Variants in DLG2 observed in about 807,000 individuals in gnomAD.
DLG2 encodes disks large homolog 2.
In DLG2, 45 loss-of-function variants were observed where a neutral mutation model predicts 132.5. The observed-to-expected ratio is 0.34, with a 90% CI of 0.27 to 0.44. DLG2 has a LOEUF of 0.44. Among genes scored for constraint, DLG2 ranks in the 20% least tolerant of loss-of-function variants. The pLI is 1.00. For synonymous variants in DLG2, 424 were observed against 419.6 expected (o/e 1.01, Z -0.13); for missense variants, 1,045 against 1,196.9 (o/e 0.87, Z 1.87).
chr11:84,679,770 G>A (rs749101982), intron 6 of DLG2, among the ~76,000 whole-genome samples: 2 of 152,122 alleles, frequency 1.3e-5, no homozygotes, highest in Non-Finnish European at 2.9e-5. Flanking sequence ...AAACTGAGAT[G>A]CAGTTATAAA....
intron 6 of DLG2, among the ~76,000 whole-genome samples, chr11:84,547,370 G>C (rs1278791559): frequency 6.6e-6 from 1 of 152,056 alleles, no homozygotes; most frequent in Admixed American, 6.6e-5. Context: ...AGCCCTCCTA[G>C]TCTCACAAAG....
chr11:85,484,563 AAAG>A (rs1338118301), intron 3 of DLG2, among the ~76,000 whole-genome samples: 2 of 151,872 alleles, frequency 1.3e-5, no homozygotes. Context: ...ACACTTCTCA[AAAG>A]AAGACATTTA....
At chr11:84,908,650 T>G (rs2091781109) in intron 6 of DLG2, among the ~76,000 whole-genome samples, 1 of 151,944 alleles carries the variant, frequency 6.6e-6, no homozygotes, top group Non-Finnish European at 1.5e-5. Context: ...GAATTAGTTT[T>G]CACATTATGT....
chr11:84,210,161 T>C (rs958085415), intron 8 of DLG2, among the ~76,000 whole-genome samples: 5 of 151,928 alleles, frequency 3.3e-5, no homozygotes, highest in African/African-American at 1.2e-4. Context: ...TACATGCCTG[T>C]AATCCCAGCT....
At chr11:83,923,613 A>G (rs1406134927) in intron 15 of DLG2, among the ~76,000 whole-genome samples, 1 of 152,082 alleles carries the variant, frequency 6.6e-6, no homozygotes, top group Admixed American at 6.6e-5. Flanking sequence ...ACAGGGGCAA[A>G]GAATCACCCT....
At chr11:84,633,022 G>A (rs1286505333) in intron 6 of DLG2, among the ~76,000 whole-genome samples, 1 of 152,142 alleles carries the variant, frequency 6.6e-6, no homozygotes, top group East Asian at 1.9e-4. Context: ...ATAGGACTCT[G>A]CTCCTGAGAT....
intron 8 of DLG2, among the ~76,000 whole-genome samples, chr11:84,189,118 A>T (rs1227999066): frequency 1.3e-5 from 2 of 152,192 alleles, no homozygotes; most frequent in Non-Finnish European, 2.9e-5. Flanking sequence ...TGGATGGTTG[A>T]TGCTAACGTC....
intron 10 of DLG2, among the ~76,000 whole-genome samples, chr11:84,082,114 A>G (rs1408454311): frequency 6.6e-6 from 1 of 152,174 alleles, no homozygotes; most frequent in Non-Finnish European, 1.5e-5. Context: ...GGCTGCATAA[A>G]TGTCTTGAAC....
At chr11:84,276,389 C>G (rs2097783512) in intron 7 of DLG2, among the ~76,000 whole-genome samples, 2 of 152,118 alleles carry the variant, frequency 1.3e-5, no homozygotes, top group South Asian at 4.1e-4. Context: ...CAAGTGGGGT[C>G]CACTATAAAT....
intron 6 of DLG2, among the ~76,000 whole-genome samples, chr11:84,950,596 C>T (rs2050786286): frequency 6.6e-6 from 1 of 152,084 alleles, no homozygotes; most frequent in South Asian, 2.1e-4. Context: ...GTTCCAGACA[C>T]TATAGTAGGT....
chr11:84,972,660 C>G (rs2054264826), intron 6 of DLG2, among the ~76,000 whole-genome samples: 1 of 152,154 alleles, frequency 6.6e-6, no homozygotes, highest in South Asian at 2.1e-4. Flanking sequence ...AGAAGACAAC[C>G]TATTGCTTTT....
At chr11:84,116,576 G>A (rs1450200372) in intron 9 of DLG2, among the ~76,000 whole-genome samples, 2 of 152,106 alleles carry the variant, frequency 1.3e-5, no homozygotes, top group Admixed American at 6.6e-5. Context: ...TCAGGAGAAC[G>A]ACATGGGAGA....
At chr11:85,577,645 A>G (rs2078236887) in intron 3 of DLG2, among the ~76,000 whole-genome samples, 1 of 152,132 alleles carries the variant, frequency 6.6e-6, no homozygotes, top group African/African-American at 2.4e-5. Flanking sequence ...GGGAGTCATA[A>G]GCCAATAGAT....
chr11:84,094,263 T>C (rs184547833), intron 10 of DLG2, among the ~76,000 whole-genome samples: 30 of 152,330 alleles, frequency 2.0e-4, no homozygotes, highest in Admixed American at 1.2e-3. Flanking sequence ...GTGAATTTTA[T>C]TGAGTCATTT....
intron 5 of DLG2, among the ~76,000 whole-genome samples, chr11:85,149,608 T>C (rs2077092592): frequency 6.6e-6 from 1 of 152,138 alleles, no homozygotes; most frequent in Non-Finnish European, 1.5e-5. Flanking sequence ...GAACAGAATA[T>C]ACTTCATTGT....
chr11:83,536,565 G>GT (rs71066048), intron 20 of DLG2, among the ~76,000 whole-genome samples: 6,694 of 142,214 alleles, frequency 0.047, 277 homozygotes, highest in African/African-American at 0.12. Flanking sequence ...ATAACGTGGT[G>GT]TTTTTTTTTT....
At chr11:85,423,373 G>C (rs72951972) in intron 3 of DLG2, among the ~76,000 whole-genome samples, 4,644 of 152,284 alleles carry the variant, frequency 0.03, 98 homozygotes, top group Non-Finnish European at 0.048. Context: ...TCTTAGCTTT[G>C]GTGGTTTAAT....
intron 8 of DLG2, among the ~76,000 whole-genome samples, chr11:84,237,902 G>A (rs1410792217): frequency 6.6e-6 from 1 of 151,782 alleles, no homozygotes; most frequent in Admixed American, 6.6e-5. Context: ...TTAGCCGGGT[G>A]TGGTGGTGGG....
In DLG2 at chr11:84,577,511, T is replaced by C. The variant is rs929226668; in HGVS notation, c.358-42780A>G. 2.0e-5 allele frequency among the ~76,000 whole-genome samples: 3 copies of C among 152,144 alleles called. No homozygotes were observed. The South Asian group carries it at 6.2e-4, about 32-fold the overall frequency. Reference sequence around the variant, plus strand: ...TTTGGAACTGGAGTAAAGGTAACTGTTGCTATGTTTTAGCAGAGACTGGCA... The same window carrying C: ...TTTGGAACTGGAGTAAAGGTAACTGCTGCTATGTTTTAGCAGAGACTGGCA... On this transcript the variant is annotated intron_variant, in intron 6 of 27. Transcript: ENST00000376104.
Sources: allele counts gnomAD v4.1 joint callset (sites outside exome capture counted in the v4.1 genomes callset), GRCh38; gene constraint gnomAD v4.1.1; transcripts MANE v1.5; gene names NCBI Gene and HGNC (gene_info 2026-07-23, HGNC 2026-07-21).